RAPGEF5: variants seen among roughly 807,000 people sequenced by gnomAD.
The protein encoded by RAPGEF5 is M-Ras-regulated GEF.
Under a neutral mutation model 125.2 loss-of-function variants are expected in RAPGEF5, and 65 were observed. The observed-to-expected ratio is 0.52, with a 90% CI of 0.43 to 0.64. RAPGEF5 has a LOEUF of 0.64. Ranked by LOEUF, RAPGEF5 falls within the 30% of genes least tolerant of loss-of-function variation. The pLI is 0.00. For missense variants in RAPGEF5, 958 were observed against 1,048.1 expected (o/e 0.91, Z 1.19); for synonymous variants, 391 against 385.9 (o/e 1.01, Z -0.16).
chr7:22,315,213 T>C (rs1315444192), intron 3 of RAPGEF5, among the ~76,000 whole-genome samples, 157 bp downstream of exon 3: 2 of 152,106 alleles, frequency 1.3e-5, no homozygotes, highest in Admixed American at 1.3e-4. Context: ...ATGACTAAGT[T>C]TAATGAAAAG....
At chr7:22,286,606 T>C (rs1782803943) in intron 6 of RAPGEF5, among the ~76,000 whole-genome samples, 2 of 152,228 alleles carry the variant, frequency 1.3e-5, no homozygotes, top group South Asian at 4.1e-4. Context: ...CTATTTCCTG[T>C]CTTTGGATGC....
intron 9 of RAPGEF5, among the ~76,000 whole-genome samples, chr7:22,216,241 G>T (rs1385737621): frequency 6.6e-6 from 1 of 152,150 alleles, no homozygotes; most frequent in Non-Finnish European, 1.5e-5. Flanking sequence ...ATGCCAGAGA[G>T]ATCTTACAAA....
intron 9 of RAPGEF5, among the ~76,000 whole-genome samples, chr7:22,204,894 A>G (rs896035330): frequency 6.6e-6 from 1 of 152,220 alleles, no homozygotes; most frequent in Non-Finnish European, 1.5e-5. Flanking sequence ...GTAAAAAGGA[A>G]GAGCGAAGGT....
chr7:22,297,860 T>C (rs1028941509), intron 5 of RAPGEF5, among the ~76,000 whole-genome samples: 1 of 152,216 alleles, frequency 6.6e-6, no homozygotes, highest in Non-Finnish European at 1.5e-5. Context: ...TTTAGTCTCT[T>C]ACCATTAAGT....
chr7:22,204,778 TAA>T (rs1785360821), intron 9 of RAPGEF5, among the ~76,000 whole-genome samples: 1 of 152,208 alleles, frequency 6.6e-6, no homozygotes. Context: ...CATGGAACAG[TAA>T]CAGGAAGTTG....
intron 1 of RAPGEF5, among the ~76,000 whole-genome samples, chr7:22,348,490 T>C (rs1021358075): frequency 2.0e-5 from 3 of 152,212 alleles, no homozygotes; most frequent in Non-Finnish European, 2.9e-5. Context: ...CAGTTTTTCA[T>C]ACAGGCCAGA....
At chr7:22,129,423 C>A (rs7779545) in intron 24 of RAPGEF5, among the ~76,000 whole-genome samples, 6,506 of 152,234 alleles carry the variant, frequency 0.043, 456 homozygotes, top group African/African-American at 0.15. Context: ...CCACAAATCT[C>A]ATGTGTTGTT....
chr7:22,275,949 T>C (rs1175185426), intron 6 of RAPGEF5, among the ~76,000 whole-genome samples: 2 of 152,240 alleles, frequency 1.3e-5, no homozygotes, highest in African/African-American at 4.8e-5. Flanking sequence ...AAGAACAAGC[T>C]AACGACACTA....
In RAPGEF5 at chr7:22,147,690, T is replaced by C. The variant is rs3807533; in HGVS notation, c.1885-671A>G. 4.7e-4 allele frequency among the ~76,000 whole-genome samples: 71 copies of C among 152,344 alleles called. No individual in the cohort carries two copies. In the East Asian group the frequency reaches 0.013, roughly 29 times the overall value. Reference sequence around the variant, plus strand: ...TATGGCATAAAAGTATTAGATGCCATCACAACTTTCAATCTATTTCACCAC... The same window carrying C: ...TATGGCATAAAAGTATTAGATGCCACCACAACTTTCAATCTATTTCACCAC... On this transcript the variant is annotated intron_variant, in intron 18 of 25. Coordinates refer to ENST00000665637, the MANE Select transcript of RAPGEF5 (RefSeq NM_012294.5).
At chr7:22,159,219 C>A (rs1203547937) in intron 14 of RAPGEF5, among the ~76,000 whole-genome samples, 1 of 152,116 alleles carries the variant, frequency 6.6e-6, no homozygotes, top group African/African-American at 2.4e-5. Context: ...GGAAACATAA[C>A]ATAATGTAGA....
Position 22,121,141 on chromosome 7 carries a change from T to C in RAPGEF5, c.*1265A>G, listed in dbSNP as rs1346429756. The C allele has an allele frequency of 2.0e-5, 3 of 150,296 alleles. No individual in the cohort carries two copies. Among genetic ancestry groups the C allele is most frequent in the African/African-American group, 7.4e-5 (3 of 40,766 alleles). 9.3% of individuals were successfully genotyped at this position (150,296 alleles called of 1,614,324 possible). On this transcript the variant is annotated 3_prime_UTR_variant, in exon 26 of 26. Transcript: ENST00000665637. ...TTGAAAGAAATCCTCTAACCAGTCC[T>C]TGAAAATATCAAGAGGTCTTATTTG... is the stretch of plus-strand genomic sequence containing the variant.
chr7:22,270,377 T>G (rs547324128), intron 6 of RAPGEF5, among the ~76,000 whole-genome samples: 7 of 152,224 alleles, frequency 4.6e-5, no homozygotes, highest in African/African-American at 1.7e-4. Flanking sequence ...TTGTTTCAAA[T>G]CTGTAGATTC....
At chr7:22,313,961 G>A (rs1783533268) in intron 3 of RAPGEF5, among the ~76,000 whole-genome samples, 1 of 152,146 alleles carries the variant, frequency 6.6e-6, no homozygotes, top group African/African-American at 2.4e-5. Context: ...ATCCCTAATG[G>A]GAGGAAAACA....
At chr7:22,295,023 C>A (rs1783027728) in intron 5 of RAPGEF5, among the ~76,000 whole-genome samples, 1 of 152,228 alleles carries the variant, frequency 6.6e-6, no homozygotes, top group Non-Finnish European at 1.5e-5. Flanking sequence ...GTACATTAGA[C>A]CTCCAGAACT....
At chr7:22,137,314 C>A (rs1309159574) in intron 21 of RAPGEF5, among the ~76,000 whole-genome samples, 1 of 152,186 alleles carries the variant, frequency 6.6e-6, no homozygotes, top group African/African-American at 2.4e-5. Flanking sequence ...CTCTCATCTT[C>A]TTAATAGTCT....
chr7:22,225,453 T>G (rs139317220), intron 8 of RAPGEF5, among the ~76,000 whole-genome samples: 1 of 152,326 alleles, frequency 6.6e-6, no homozygotes, highest in East Asian at 1.9e-4. Context: ...CAAAAAAGAT[T>G]TTCAAGGAGG....
chr7:22,193,916 T>C lies in RAPGEF5; in HGVS notation c.1114A>G (p.Arg372Gly). ...PTAGSAESHW[R>G]YVVVSGTPEK... ...CTGTGGCTGCAGGGAAACTCTCACC[T>C]CCAATGGCTCTCCGCACTCCCAGCT... The change falls in exon 10 of 26, where the codon AGA (arginine) becomes GGA (glycine). Residue 372 changes from arginine (R) to glycine (G), a missense_variant and splice_region_variant. Coordinates refer to ENST00000665637, the MANE Select transcript of RAPGEF5 (RefSeq NM_012294.5). 7 of 1,613,526 alleles carry C rather than the reference T, an allele frequency of 4.3e-6. No homozygotes were observed. Among genetic ancestry groups the C allele is most frequent in the Non-Finnish European group, 5.9e-6 (7 of 1,179,732 alleles).
intron 6 of RAPGEF5, among the ~76,000 whole-genome samples, chr7:22,274,916 T>G (rs1299216176): frequency 1.3e-5 from 2 of 152,240 alleles, no homozygotes; most frequent in East Asian, 3.8e-4. Flanking sequence ...GAGTCCAATG[T>G]CTGATACTGC....
intron 8 of RAPGEF5, among the ~76,000 whole-genome samples, chr7:22,221,542 T>G (rs1157913437): frequency 2.0e-5 from 3 of 152,138 alleles, no homozygotes; most frequent in South Asian, 2.1e-4. Flanking sequence ...AATCCCCACA[T>G]GTTGTGGGAG....
Sources: gnomAD v4.1 joint callset for allele counts (sites outside exome capture counted in the v4.1 genomes callset) on GRCh38, gnomAD v4.1.1 for gene constraint, MANE v1.5 for transcripts, NCBI Gene and HGNC (gene_info 2026-07-23, HGNC 2026-07-21) for gene names.